Variants in KCNK10 observed in about 807,000 individuals in gnomAD.
KCNK10 encodes the protein potassium two pore domain channel subfamily K member 10, also known as potassium channel subfamily K member 10.
A neutral mutation model predicts 47.7 loss-of-function variants in KCNK10; 25 were observed. That is an observed-to-expected ratio of 0.52 (90% CI 0.38 to 0.73). The LOEUF is 0.73. Among genes scored for constraint, KCNK10 ranks in the 30% least tolerant of loss-of-function variants. KCNK10 has a pLI of 0.00. For missense variants in KCNK10, 563 were observed against 714.5 expected, an observed-to-expected ratio of 0.79 and a Z score of 2.42; for synonymous variants, 303 against 285.6, an observed-to-expected ratio of 1.06 and a Z score of -0.61.
chr14:88,225,077 C>T (rs987397669), intron 4 of KCNK10, among the ~76,000 whole-genome samples: 2 of 152,176 alleles, frequency 1.3e-5, no homozygotes, highest in Non-Finnish European at 2.9e-5. Flanking sequence ...GCTTTGTTAG[C>T]TTATACAATT....
At chr14:88,268,155 T>C (rs1887314413) in intron 1 of KCNK10, among the ~76,000 whole-genome samples, 1 of 152,182 alleles carries the variant, frequency 6.6e-6, no homozygotes, top group Non-Finnish European at 1.5e-5. Flanking sequence ...GAGGTAAGCA[T>C]CTTCCAGCCT....
Position 88,186,262 on chromosome 14 carries a change from C to CG in KCNK10, c.1012-108dup. 3.0e-6 allele frequency: 4 copies of CG among 1,325,236 alleles called. No individual in the cohort carries two copies. The highest frequency in any genetic ancestry group is 3.0e-6 in the Non-Finnish European group (3 of 989,584). The allele number at this position is 1,325,236 out of a possible 1,614,324, so 82.1% of individuals were successfully genotyped here. Reference sequence around the variant, plus strand: ...TCCCCACGGGGAGGCCAGGAGGTGACGGAGCACATGCCCAGGGGGAGGTGC... The same window carrying CG: ...TCCCCACGGGGAGGCCAGGAGGTGACGGGAGCACATGCCCAGGGGGAGGTGC... On this transcript the variant is annotated intron_variant, in intron 6 of 6. Transcript: ENST00000319231. This position sits in a 1 kb window ranked among gnomAD's most constrained non-coding sequence, Gnocchi z 5.5.
intron 2 of KCNK10, among the ~76,000 whole-genome samples, chr14:88,247,366 T>A (rs1352394921): frequency 6.6e-6 from 1 of 151,808 alleles, no homozygotes; most frequent in Non-Finnish European, 1.5e-5. Flanking sequence ...CCCAATCAAG[T>A]GGCCTTCCTA....
chr14:88,218,951 A>G (rs544713714), intron 4 of KCNK10, among the ~76,000 whole-genome samples: 14 of 152,340 alleles, frequency 9.2e-5, no homozygotes, highest in Admixed American at 6.5e-4. Context: ...AAAATATTCT[A>G]AACTCCACAT....
At chr14:88,230,590 T>C (rs949424341) in intron 3 of KCNK10, among the ~76,000 whole-genome samples, 10 of 152,182 alleles carry the variant, frequency 6.6e-5, no homozygotes, top group African/African-American at 2.2e-4. Context: ...TGCTTTCTTA[T>C]TATGGTCACC....
intron 1 of KCNK10, among the ~76,000 whole-genome samples, chr14:88,287,692 T>C (rs1450728745): frequency 6.5e-5 from 5 of 76,892 alleles, no homozygotes; most frequent in African/African-American, 1.8e-4. Flanking sequence ...TGTGTGTGTG[T>C]GTGTGTGTGT....
chr14:88,215,230 A>G (rs1026848576), intron 4 of KCNK10, among the ~76,000 whole-genome samples: 1 of 152,146 alleles, frequency 6.6e-6, no homozygotes, highest in African/African-American at 2.4e-5. Flanking sequence ...AATACTCGAG[A>G]CTGGGTAATT....
intron 4 of KCNK10, among the ~76,000 whole-genome samples, chr14:88,219,920 A>C (rs1454845830): frequency 6.6e-6 from 1 of 152,216 alleles, no homozygotes; most frequent in Non-Finnish European, 1.5e-5. Flanking sequence ...TTATGGCAAT[A>C]CTATCGTCCT....
intron 1 of KCNK10, chr14:88,270,648 T>TG (rs1358018689): frequency 9.0e-6 from 7 of 775,166 alleles, no homozygotes; most frequent in South Asian, 1.4e-5. Context: ...CAAGGCAGAC[T>TG]GGGGGGAAGA....
At chr14:88,220,504 T>G (rs1221978085) in intron 4 of KCNK10, among the ~76,000 whole-genome samples, 1 of 117,100 alleles carries the variant, frequency 8.5e-6, no homozygotes, top group African/African-American at 3.3e-5. Context: ...GGAGAAAGAA[T>G]AGACAAATAG....
Position 88,263,286 on chromosome 14 carries a change from C to A in KCNK10, c.318G>T (p.Gln106His). 1 of 1,614,148 alleles carries A rather than the reference C, an allele frequency of 6.2e-7. No individual in the cohort carries two copies. Among genetic ancestry groups the A allele is most frequent in the Non-Finnish European group, 8.5e-7 (1 of 1,180,036 alleles). The change falls in exon 2 of 7, where the codon CAG (glutamine) becomes CAT (histidine). Residue 106 changes from glutamine (Q) to histidine (H), a missense_variant. By Grantham distance (24) the Gln-to-His change is conservative. Coordinates refer to ENST00000319231, the MANE Select transcript of KCNK10 (RefSeq NM_138317.3). ...RALEQPFESSQKNTIALEKAE... is the reference protein window; with the variant it reads ...RALEQPFESSHKNTIALEKAE... ...CCTTCTCCAAGGCGATGGTATTCTT[C>A]TGGCTGCTCTCAAAGGGCTGCTCCA...
chr14:88,301,681 C>T (rs1463599342), intron 1 of KCNK10, among the ~76,000 whole-genome samples: 2 of 149,768 alleles, frequency 1.3e-5, no homozygotes, highest in Non-Finnish European at 3.0e-5. Context: ...CCGTAAAGGC[C>T]CTCAGATCAG....
intron 1 of KCNK10, among the ~76,000 whole-genome samples, chr14:88,267,729 C>T (rs1887300298): frequency 6.6e-6 from 1 of 152,110 alleles, no homozygotes; most frequent in Non-Finnish European, 1.5e-5. Context: ...CCTTAGAAGC[C>T]ACAGTTGTTC....
intron 2 of KCNK10, among the ~76,000 whole-genome samples, chr14:88,246,112 G>A (rs1027642829): frequency 1.3e-5 from 2 of 151,828 alleles, no homozygotes; most frequent in Admixed American, 6.6e-5. Context: ...GGGTTTCACC[G>A]TGTTAGCCAG....
At chr14:88,279,410 T>TG (rs1555364358) in intron 1 of KCNK10, among the ~76,000 whole-genome samples, 5 of 143,480 alleles carry the variant, frequency 3.5e-5, no homozygotes, top group Non-Finnish European at 6.1e-5. Flanking sequence ...TGTGTGTGTG[T>TG]TACAATGCAC....
intron 1 of KCNK10, among the ~76,000 whole-genome samples, chr14:88,286,723 G>A (rs1198854723): frequency 1.3e-5 from 2 of 152,152 alleles, no homozygotes; most frequent in African/African-American, 2.4e-5. Flanking sequence ...TCAAGTGAAA[G>A]GGAAAACCCC....
chr14:88,232,839 C>G lies in KCNK10; in HGVS notation c.521-5304G>C, dbSNP rs28689531. Among the ~76,000 whole-genome samples, 62 of 152,296 alleles carry G rather than the reference C, an allele frequency of 4.1e-4. 1 individual carries two copies. In the South Asian group the frequency reaches 0.011, roughly 28 times the overall value. On this transcript the variant is annotated intron_variant, in intron 3 of 6. Coordinates refer to ENST00000319231, the MANE Select transcript of KCNK10 (RefSeq NM_138317.3). The stretch of plus-strand genomic sequence containing the variant: ...CCTTCTGATTTTTGGGAAAGCCCCC[C>G]TTCCTGTGCATAATTGGTATGACAC...
Position 88,186,955 on chromosome 14 carries a change from G to A in KCNK10, c.1012-800C>T, listed in dbSNP as rs1884583239. Among the ~76,000 whole-genome samples the A allele has an allele frequency of 6.6e-6, 1 of 152,216 alleles. No individual in the cohort carries two copies. ...TTCTTGGCTCTTAATGAACAGGGCA[G>A]ACAGTATAAGTCCCATGCTTCCCTC... On this transcript the variant is annotated intron_variant, in intron 6 of 6. Coordinates refer to ENST00000319231, the MANE Select transcript of KCNK10 (RefSeq NM_138317.3). The surrounding 1 kb of genome is among the most constrained non-coding windows in gnomAD (Gnocchi z 5.5).
At chr14:88,281,087 C>G (rs945803727) in intron 1 of KCNK10, among the ~76,000 whole-genome samples, 1 of 152,136 alleles carries the variant, frequency 6.6e-6, no homozygotes, top group African/African-American at 2.4e-5. Flanking sequence ...GCCTCTGTCC[C>G]CTCTCTAATT....
Sources: allele counts gnomAD v4.1 joint callset (sites outside exome capture counted in the v4.1 genomes callset), GRCh38; gene constraint gnomAD v4.1.1; non-coding constraint Gnocchi (gnomAD v3.1); transcripts MANE v1.5; gene names NCBI Gene and HGNC (gene_info 2026-07-23, HGNC 2026-07-21).